The following INPP4B variants were observed in gnomAD, a reference collection of about 807,000 sequenced individuals.
The protein encoded by INPP4B is inositol polyphosphate 4-phosphatase type II.
Under a neutral mutation model 122.5 loss-of-function variants are expected in INPP4B, and 55 were observed. The observed-to-expected ratio is 0.45, with a 90% CI of 0.36 to 0.56. INPP4B has a LOEUF of 0.56. Ranked by LOEUF, INPP4B falls within the 20% of genes least tolerant of loss-of-function variation. The pLI, the probability that INPP4B is intolerant of heterozygous loss-of-function variation, is 0.00. For synonymous variants in INPP4B, 403 were observed against 388.7 expected (o/e 1.04, Z -0.43); for missense variants, 1,000 against 1,097.7 (o/e 0.91, Z 1.26).
chr4:142,098,239 A>G (rs1419468626), intron 23 of INPP4B, among the ~76,000 whole-genome samples: 1 of 152,056 alleles, frequency 6.6e-6, no homozygotes, highest in African/African-American at 2.4e-5. Flanking sequence ...GAGTGAGGTA[A>G]GTGTGAGAGA....
intron 2 of INPP4B, among the ~76,000 whole-genome samples, chr4:142,696,732 C>G (rs1761081161): frequency 6.6e-6 from 1 of 152,182 alleles, no homozygotes; most frequent in Non-Finnish European, 1.5e-5. Flanking sequence ...CCTAATTCAC[C>G]ATGTCCTTTA....
intron 25 of INPP4B, among the ~76,000 whole-genome samples, chr4:142,042,520 A>ATG (rs1191824136): frequency 2.7e-5 from 1 of 37,492 alleles, no homozygotes. Flanking sequence ...GTGTGTGTGT[A>ATG]TGTATGTATG....
intron 7 of INPP4B, among the ~76,000 whole-genome samples, chr4:142,353,876 C>A (rs1782732944): frequency 6.6e-6 from 1 of 151,924 alleles, no homozygotes; most frequent in African/African-American, 2.4e-5. Context: ...GTCCCACTCT[C>A]CTCACTAAAT....
intron 1 of INPP4B, among the ~76,000 whole-genome samples, chr4:142,837,212 C>T (rs1485583249): frequency 6.6e-6 from 1 of 151,030 alleles, no homozygotes; most frequent in Non-Finnish European, 1.5e-5. Flanking sequence ...TCTCAATATG[C>T]AAACAGGTTA....
Position 142,260,567 on chromosome 4 carries a change from A to C in INPP4B, c.616-3T>G, listed in dbSNP as rs765119300. 1 of 1,536,840 alleles carries C rather than the reference A, an allele frequency of 6.5e-7. No individual in the cohort carries two copies. On this transcript the variant is annotated splice_polypyrimidine_tract_variant and splice_region_variant and intron_variant, in intron 10 of 25. Transcript: ENST00000262992. ...GTACATTCACATACCAGGGCACACT[A>C]GGAAAAAATGTAAAAAAAAAAAAAA... is the stretch of plus-strand genomic sequence containing the variant.
At chr4:142,070,548 C>T (rs336367) in intron 25 of INPP4B, among the ~76,000 whole-genome samples, 143,857 of 152,158 alleles carry the variant, frequency 0.95, 68,541 homozygotes, top group East Asian at 1. Context: ...AGTCAAATTT[C>T]CCCTGTTTGC....
At chr4:142,729,769 A>T (rs913015638) in intron 1 of INPP4B, among the ~76,000 whole-genome samples, 1 of 152,164 alleles carries the variant, frequency 6.6e-6, no homozygotes. Flanking sequence ...AGACCAGTTC[A>T]GTTGCTGGGA....
chr4:142,076,877 A>G (rs10024113), intron 25 of INPP4B, among the ~76,000 whole-genome samples: 3,776 of 152,180 alleles, frequency 0.025, 171 homozygotes, highest in African/African-American at 0.087. Flanking sequence ...TCAAAAACAA[A>G]GAAAAAAATA....
intron 3 of INPP4B, among the ~76,000 whole-genome samples, chr4:142,437,080 G>A (rs768477156): frequency 1.3e-5 from 2 of 152,026 alleles, no homozygotes; most frequent in Non-Finnish European, 2.9e-5. Flanking sequence ...ATGACCTGGA[G>A]CTGAAAAACA....
At chr4:142,324,138 T>C (rs564509777) in intron 7 of INPP4B, among the ~76,000 whole-genome samples, 9 of 152,214 alleles carry the variant, frequency 5.9e-5, no homozygotes, top group Admixed American at 3.3e-4. Context: ...GGAAAGACCA[T>C]GCAAAGAGGC....
At chr4:142,367,186 ATATGTGTGTG>A (rs1308759156) in intron 7 of INPP4B, among the ~76,000 whole-genome samples, 326 of 106,486 alleles carry the variant, frequency 3.1e-3, no homozygotes, top group Middle Eastern at 5.1e-3. Context: ...TATACATGTA[ATATGTGTGTG>A]TGTGTGTGTG....
chr4:142,224,042 C>T (rs375354098), intron 12 of INPP4B, among the ~76,000 whole-genome samples: 9 of 152,006 alleles, frequency 5.9e-5, no homozygotes, highest in Non-Finnish European at 1.2e-4. Flanking sequence ...TTTGTTTTAC[C>T]TAAGTATTCA....
chr4:142,537,425 TATATAGAGAGAGAGAGAGAGAGAG>T (rs1272216895), intron 2 of INPP4B, among the ~76,000 whole-genome samples: 2 of 40,992 alleles, frequency 4.9e-5, no homozygotes, highest in African/African-American at 1.6e-4. Flanking sequence ...TATATATATA[TATATAGAGAGAGAGAGAGAGAGAG>T]AGAGAGAGAG....
intron 1 of INPP4B, among the ~76,000 whole-genome samples, chr4:142,803,100 A>G (rs923292459): frequency 6.7e-6 from 1 of 148,370 alleles, no homozygotes; most frequent in Non-Finnish European, 1.5e-5. Flanking sequence ...TGAACCCAGG[A>G]GGCGGAGGTT....
chr4:142,314,882 TAA>T, intron 7 of INPP4B, 120 bp from the exon 8 acceptor site: 1 of 780,404 alleles, frequency 1.3e-6, no homozygotes, highest in Non-Finnish European at 2.1e-6. Flanking sequence ...GGTTAATCAT[TAA>T]TGAATTCACC....
chr4:142,619,333 A>G (rs1167660752), intron 2 of INPP4B, among the ~76,000 whole-genome samples: 2 of 152,086 alleles, frequency 1.3e-5, no homozygotes, highest in Non-Finnish European at 2.9e-5. Context: ...TGTGGAAACA[A>G]CCTACATGTC....
chr4:142,828,707 C>T (rs1265666911), intron 1 of INPP4B, among the ~76,000 whole-genome samples: 5 of 152,170 alleles, frequency 3.3e-5, no homozygotes. Flanking sequence ...AAACAACCAA[C>T]AGTTATTGAA....
chr4:142,573,264 C>T (rs899677923), intron 2 of INPP4B, among the ~76,000 whole-genome samples: 9 of 152,004 alleles, frequency 5.9e-5, no homozygotes, highest in Non-Finnish European at 1.3e-4. Context: ...GTCACTTACC[C>T]AACACTGGAC....
intron 2 of INPP4B, among the ~76,000 whole-genome samples, chr4:142,693,326 AG>A (rs1760503445): frequency 6.6e-6 from 1 of 152,030 alleles, no homozygotes; most frequent in Non-Finnish European, 1.5e-5. Flanking sequence ...GGATAAGAAA[AG>A]CATCCTTTAG....
Sources: allele counts gnomAD v4.1 joint callset (sites outside exome capture counted in the v4.1 genomes callset), GRCh38; gene constraint gnomAD v4.1.1; transcripts MANE v1.5; gene names NCBI Gene and HGNC (gene_info 2026-07-23, HGNC 2026-07-21).